The following HK1 variants were observed in gnomAD, a reference collection of about 807,000 sequenced individuals.
HK1 encodes the protein hexokinase 1, also known as hexokinase-1.
Under a neutral mutation model 91.6 loss-of-function variants are expected in HK1, and 28 were observed. That is an observed-to-expected ratio of 0.31 (90% CI 0.23 to 0.42). The LOEUF (loss-of-function observed/expected upper bound fraction) is 0.42, where lower values mean the gene tolerates loss of function less well. Ranked by LOEUF, HK1 falls within the 10% of genes least tolerant of loss-of-function variation. The pLI is 1.00. For synonymous variants in HK1, 430 were observed against 468.1 expected, an observed-to-expected ratio of 0.92 and a Z score of 1.05; for missense variants, 770 against 1,219.8, an observed-to-expected ratio of 0.63 and a Z score of 5.49.
At chr10:69,307,430 C>T (rs78502347) in intron 5 of HK1, among the ~76,000 whole-genome samples, 3,612 of 152,280 alleles carry the variant, frequency 0.024, 53 homozygotes, top group African/African-American at 0.042. Context: ...ATCTAAGCCA[C>T]GACTCAGTCT....
Position 69,384,326 on chromosome 10 carries a change from G to A in HK1, c.1571-7G>A. On this transcript the variant is annotated splice_region_variant and splice_polypyrimidine_tract_variant and intron_variant, in intron 10 of 17. Coordinates refer to ENST00000359426, the MANE Select transcript of HK1 (RefSeq NM_000188.3). ...TTTGACATTCTTTACGCTTTTGACT[G>A]CAACAGAGAATGGTGACTTCTTGGC... 1 of 1,614,236 alleles carries A rather than the reference G, an allele frequency of 6.2e-7. No individual in the cohort carries two copies. The highest frequency in any genetic ancestry group is 8.5e-7 in the Non-Finnish European group (1 of 1,180,038).
chr10:69,273,644 G>T (rs377584911), intron 1 of HK1, among the ~76,000 whole-genome samples: 1 of 152,202 alleles, frequency 6.6e-6, no homozygotes, highest in Non-Finnish European at 1.5e-5. Context: ...GAGCCACTGC[G>T]CCCAGCCAGT....
intron 3 of HK1, among the ~76,000 whole-genome samples, chr10:69,363,490 C>T (rs1318232559): frequency 6.6e-6 from 1 of 152,140 alleles, no homozygotes; most frequent in African/African-American, 2.4e-5. Context: ...GGGATCATCT[C>T]ATCTCAGCCT....
At chr10:69,362,531 G>A (rs1166292678) in intron 3 of HK1, among the ~76,000 whole-genome samples, 2 of 152,000 alleles carry the variant, frequency 1.3e-5, no homozygotes, top group African/African-American at 2.4e-5. Context: ...AGCCTGGGGC[G>A]GGTCACTTCC....
intron 3 of HK1, chr10:69,292,482 A>G: frequency 3.4e-6 from 1 of 296,580 alleles, no homozygotes; most frequent in Middle Eastern, 4.2e-4. Context: ...GACTACCTGC[A>G]TGTCCATGGG....
intron 14 of HK1, 57 bp from the exon 15 acceptor site, chr10:69,392,068 T>G (rs1005276473): frequency 6.9e-6 from 11 of 1,596,112 alleles, no homozygotes; most frequent in Non-Finnish European, 9.4e-6. Context: ...CCAGGCCCAG[T>G]TGCAAGACCC....
Position 69,276,118 on chromosome 10 carries a change from A to AAAAAAAAAAATATATATAT in HK1, c.-391+6011_-391+6012insAAAAAAAAATATATATATA. On this transcript the variant is annotated intron_variant, in intron 1 of 21. Transcript: ENST00000360289. ...AAAAAAAAAAAAAAAAAAAAAAAAA[A>AAAAAAAAAAATATATATAT]ATACATATATATATATATATACACA... Among the ~76,000 whole-genome samples, 3 of 38,272 alleles carry AAAAAAAAAAATATATATAT rather than the reference A, an allele frequency of 7.8e-5. 1 individual carries two copies. Among genetic ancestry groups the AAAAAAAAAAATATATATAT allele is most frequent in the Non-Finnish European group, 1.5e-4 (3 of 19,638 alleles). The allele number at this position is 38,272 out of a possible 152,430, so 25.1% of individuals were successfully genotyped here. A position where few individuals can be genotyped will look rare whatever the true frequency, so the allele number is the denominator to read the frequency against.
chr10:69,355,715 C>A (rs530417169), intron 2 of HK1, among the ~76,000 whole-genome samples: 1 of 152,204 alleles, frequency 6.6e-6, no homozygotes, highest in East Asian at 1.9e-4. Context: ...TTGCCTGAAC[C>A]CGGGAGGTGG....
At chr10:69,334,359 G>A (rs985349738) in intron 1 of HK1, among the ~76,000 whole-genome samples, 1 of 152,262 alleles carries the variant, frequency 6.6e-6, no homozygotes, top group East Asian at 1.9e-4. Context: ...CCCAGACACA[G>A]TTCCTCTGGT....
chr10:69,299,366 G>T (rs7095428), intron 4 of HK1, among the ~76,000 whole-genome samples: 49 of 144,198 alleles, frequency 3.4e-4, no homozygotes, highest in African/African-American at 1.4e-3. Context: ...GTTTTTGTTT[G>T]TTTGTTTGTT....
At chr10:69,298,601 G>A (rs759836068) in intron 4 of HK1, among the ~76,000 whole-genome samples, 3 of 150,820 alleles carry the variant, frequency 2.0e-5, no homozygotes, top group South Asian at 2.1e-4. Flanking sequence ...GCACCCCAGC[G>A]TGGGTGACAG....
intron 1 of HK1, among the ~76,000 whole-genome samples, chr10:69,274,889 C>T (rs1484711651): frequency 6.6e-6 from 1 of 152,010 alleles, no homozygotes; most frequent in Non-Finnish European, 1.5e-5. Context: ...AGTCTTGCCT[C>T]TATTCTGGCA....
intron 16 of HK1, among the ~76,000 whole-genome samples, chr10:69,398,246 A>G (rs116924736): frequency 0.022 from 3,284 of 152,350 alleles, 55 homozygotes; most frequent in Non-Finnish European, 0.033. Context: ...GGCTGTGGGA[A>G]ATTGCTCAAT....
At chr10:69,399,007 A>G (rs577075301) in intron 17 of HK1, among the ~76,000 whole-genome samples, 179 bp downstream of exon 17, 2 of 152,248 alleles carry the variant, frequency 1.3e-5, no homozygotes, top group African/African-American at 4.8e-5. Context: ...GTAGGGTTTG[A>G]CTGGGATCCT....
chr10:69,303,072 C>T (rs781161475), intron 5 of HK1, among the ~76,000 whole-genome samples: 1 of 152,066 alleles, frequency 6.6e-6, no homozygotes, highest in Non-Finnish European at 1.5e-5. Context: ...ATTTGTTCAA[C>T]GTGTGTATCA....
At chr10:69,286,252 C>T (rs1378274087) in intron 2 of HK1, among the ~76,000 whole-genome samples, 1 of 152,236 alleles carries the variant, frequency 6.6e-6, no homozygotes, top group Middle Eastern at 3.4e-3. Context: ...AATCCCAGCA[C>T]TTTGGGAGGC....
At chr10:69,376,813 A>G in intron 7 of HK1, 121 bp from the exon 8 acceptor site, 1 of 1,272,128 alleles carries the variant, frequency 7.9e-7, no homozygotes, top group Non-Finnish European at 1.1e-6. Flanking sequence ...TTTGCCTGCC[A>G]GCGAGGCTGG....
intron 3 of HK1, among the ~76,000 whole-genome samples, chr10:69,293,834 G>C (rs997535742): frequency 8.0e-5 from 12 of 150,022 alleles, no homozygotes; most frequent in Non-Finnish European, 1.5e-4. Flanking sequence ...GTCAAGCCCC[G>C]AAGCACAAGC....
intron 2 of HK1, 138 bp downstream of exon 2, chr10:69,344,127 C>CCATG: frequency 1.1e-6 from 1 of 871,456 alleles, no homozygotes; most frequent in South Asian, 1.4e-5. Flanking sequence ...ATCCATCCAT[C>CCATG]CATCCGCTGA....
Sources: allele counts gnomAD v4.1 joint callset (sites outside exome capture counted in the v4.1 genomes callset), GRCh38; gene constraint gnomAD v4.1.1; transcripts MANE v1.5; gene names NCBI Gene and HGNC (gene_info 2026-07-23, HGNC 2026-07-21).